AHCTF1: variants seen among roughly 807,000 people sequenced by gnomAD.
AHCTF1 encodes protein ELYS.
Under a neutral mutation model 248.4 loss-of-function variants are expected in AHCTF1, and 24 were observed. The ratio of observed to expected loss-of-function variants is 0.10; its 90% CI spans 0.07 to 0.14. The LOEUF is 0.14. Among genes scored for constraint, AHCTF1 ranks in the 10% least tolerant of loss-of-function variants. The pLI, the probability that AHCTF1 is intolerant of heterozygous loss-of-function variation, is 1.00. For synonymous variants in AHCTF1, 786 were observed against 929.8 expected (o/e 0.85, Z 2.81); for missense variants, 2,206 against 2,636.2 (o/e 0.84, Z 3.57).
chr1:246,910,021 G>C (rs1665688941), intron 4 of AHCTF1, among the ~76,000 whole-genome samples: 1 of 152,194 alleles, frequency 6.6e-6, no homozygotes, highest in Non-Finnish European at 1.5e-5. Flanking sequence ...TGAATCCACT[G>C]ATCACTAATT....
At chr1:246,912,026 G>A (rs747264288) in intron 4 of AHCTF1, among the ~76,000 whole-genome samples, 7 of 151,648 alleles carry the variant, frequency 4.6e-5, no homozygotes, top group Non-Finnish European at 7.4e-5. Flanking sequence ...CTCCCCTCCC[G>A]CTTCCACCAC....
At chr1:246,880,193 T>C (rs1192566310) in intron 21 of AHCTF1, among the ~76,000 whole-genome samples, 1 of 151,502 alleles carries the variant, frequency 6.6e-6, no homozygotes, top group African/African-American at 2.4e-5. Flanking sequence ...AGCATGTAAA[T>C]AGCTTATTAT....
At chr1:246,843,678 AAAT>A in intron 34 of AHCTF1, 114 bp downstream of exon 34, 2 of 897,774 alleles carry the variant, frequency 2.2e-6, no homozygotes, top group Non-Finnish European at 2.9e-6. Flanking sequence ...ACATTTATTT[AAAT>A]AATAAACAAA....
rs118117923 is a variant in AHCTF1, at chr1:246,910,432, T to C, written c.557-2674A>G. 2.1e-4 allele frequency among the ~76,000 whole-genome samples: 32 copies of C among 152,336 alleles called. No individual in the cohort carries two copies. In the East Asian group the frequency reaches 2.1e-3, roughly 10 times the overall value. ...AACACACTATACCAAAGAAGTGTTA[T>C]TGGCATTATGATTATGTAATAAAAT... On this transcript the variant is annotated intron_variant, in intron 4 of 35. Coordinates refer to ENST00000648844, the MANE Select transcript of AHCTF1 (RefSeq NM_001323342.2).
At chr1:246,868,764 C>G (rs939487963) in intron 24 of AHCTF1, among the ~76,000 whole-genome samples, 1 of 150,582 alleles carries the variant, frequency 6.6e-6, no homozygotes. Flanking sequence ...TACAGAGCAG[C>G]CAATAAAAAA....
At chr1:246,847,499 T>C (rs56070865) in intron 33 of AHCTF1, among the ~76,000 whole-genome samples, 35,477 of 151,980 alleles carry the variant, frequency 0.23, 4,352 homozygotes, top group Admixed American at 0.29. Flanking sequence ...TAAGTAGGCA[T>C]GTATTGTTTT....
intron 11 of AHCTF1, 43 bp from the exon 12 acceptor site, chr1:246,898,379 T>C: frequency 6.4e-7 from 1 of 1,551,812 alleles, no homozygotes; most frequent in Non-Finnish European, 8.7e-7. Flanking sequence ...ATGCTCAATT[T>C]GAATAATCAA....
intron 20 of AHCTF1, 43 bp downstream of exon 20, chr1:246,887,168 C>G: frequency 6.5e-7 from 1 of 1,548,326 alleles, no homozygotes; most frequent in South Asian, 1.2e-5. Flanking sequence ...TTCTAAAATT[C>G]TAGTAATTCA....
chr1:246,906,958 A>G (rs1370801958), intron 5 of AHCTF1, among the ~76,000 whole-genome samples: 1 of 152,188 alleles, frequency 6.6e-6, no homozygotes, highest in Non-Finnish European at 1.5e-5. Context: ...ATATTATACA[A>G]ACACAGCCAT....
intron 4 of AHCTF1, among the ~76,000 whole-genome samples, chr1:246,911,632 C>T (rs546006224): frequency 1.3e-5 from 2 of 151,650 alleles, no homozygotes; most frequent in Non-Finnish European, 2.9e-5. Flanking sequence ...TAGAGGCATG[C>T]GCCACCACAC....
intron 13 of AHCTF1, 76 bp from the exon 14 acceptor site, chr1:246,894,824 C>A: frequency 1.6e-6 from 2 of 1,251,956 alleles, no homozygotes; most frequent in Non-Finnish European, 2.3e-6. Context: ...GGTGGAGAAG[C>A]ATGGCAGACA....
chr1:246,870,877 C>T (rs945100827), intron 24 of AHCTF1, among the ~76,000 whole-genome samples: 4 of 152,194 alleles, frequency 2.6e-5, no homozygotes, highest in South Asian at 4.1e-4. Flanking sequence ...ATTCCCAATT[C>T]GGGTATTTTA....
intron 8 of AHCTF1, among the ~76,000 whole-genome samples, chr1:246,901,330 C>A (rs1238492735): frequency 1.3e-5 from 2 of 151,400 alleles, no homozygotes; most frequent in African/African-American, 2.4e-5. Flanking sequence ...GACAGTGAGA[C>A]CCTGTCTCTA....
rs150565789 is a variant in AHCTF1 at position 246,923,228 on chromosome 1, A to G, written c.-7-4851T>C. Among the ~76,000 whole-genome samples, 281 of 151,956 alleles carry G rather than the reference A, an allele frequency of 1.8e-3. 7 individuals are homozygous for G. The East Asian group carries it at 0.037, about 20-fold the overall frequency. On this transcript the variant is annotated intron_variant, in intron 1 of 35. Coordinates refer to ENST00000648844, the MANE Select transcript of AHCTF1 (RefSeq NM_001323342.2). The stretch of plus-strand genomic sequence containing the variant: ...TCAGGAGTTTGAGACCAGCCTGACT[A>G]ACATGATGAAACCCCATCTTTACTA...
intron 25 of AHCTF1, 51 bp from the exon 26 acceptor site, chr1:246,867,402 C>G (rs1662062177): frequency 2.4e-6 from 3 of 1,236,060 alleles, no homozygotes; most frequent in Non-Finnish European, 3.4e-6. Context: ...GCACTGATAA[C>G]AAGTGGATGA....
rs1659754126 is a variant in AHCTF1, at chr1:246,840,142, T to C, written c.*664A>G. 6.6e-6 allele frequency: 1 copy of C among 152,634 alleles called. No individual in the cohort carries two copies. Among genetic ancestry groups the C allele is most frequent in the Non-Finnish European group, 1.5e-5 (1 of 68,046 alleles). The allele number at this position is 152,634 out of a possible 1,614,324, so 9.5% of individuals were successfully genotyped here. On this transcript the variant is annotated 3_prime_UTR_variant, in exon 36 of 36. Coordinates refer to ENST00000648844, the MANE Select transcript of AHCTF1 (RefSeq NM_001323342.2). Reference sequence around the variant, plus strand: ...GAGCAGTGAACCGGTCAATCTAACCTGGATTAGTCTTTGACTAATTAAGAC... The same window carrying C: ...GAGCAGTGAACCGGTCAATCTAACCCGGATTAGTCTTTGACTAATTAAGAC...
At chr1:246,919,364 A>C (rs1417682820) in intron 1 of AHCTF1, among the ~76,000 whole-genome samples, 1 of 152,022 alleles carries the variant, frequency 6.6e-6, no homozygotes, top group Non-Finnish European at 1.5e-5. Flanking sequence ...TTACTCAGAA[A>C]GACAACATTT....
chr1:246,888,147 T>A (rs1051241050), intron 19 of AHCTF1, 30 bp downstream of exon 19: 2 of 1,606,924 alleles, frequency 1.2e-6, no homozygotes, highest in East Asian at 2.2e-5. Flanking sequence ...TAGTAATACA[T>A]GAAACACTGG....
At position 246,855,784 on chromosome 1, in the gene AHCTF1, C is replaced by T; in HGVS notation, c.4300G>A (p.Gly1434Arg). ...QKSKVPVLDEGLTSVETYTPA... is the reference protein window; with the variant it reads ...QKSKVPVLDERLTSVETYTPA... Reference sequence around the variant, plus strand: ...GTGTAGGTTTCAACAGATGTTAATCCTTCGTCCAACACTGGTACCTTGGAC... The same window carrying T: ...GTGTAGGTTTCAACAGATGTTAATCTTTCGTCCAACACTGGTACCTTGGAC... The change falls in exon 31 of 36, where the codon GGA becomes AGA. Residue 1434 changes from glycine to arginine, a missense_variant. By Grantham distance (125) the Gly-to-Arg change is moderately radical. Coordinates refer to ENST00000648844, the MANE Select transcript of AHCTF1 (RefSeq NM_001323342.2). The T allele has an allele frequency of 6.2e-7, 1 of 1,613,326 alleles. No individual in the cohort carries two copies. The highest frequency in any genetic ancestry group is 8.5e-7 in the Non-Finnish European group (1 of 1,179,682).
Sources: gnomAD v4.1 joint callset for allele counts (sites outside exome capture counted in the v4.1 genomes callset) on GRCh38, gnomAD v4.1.1 for gene constraint, MANE v1.5 for transcripts, NCBI Gene and HGNC (gene_info 2026-07-23, HGNC 2026-07-21) for gene names.